ARMC2: variants seen among roughly 807,000 people sequenced by gnomAD.
ARMC2 encodes the protein armadillo repeat containing 2.
ARMC2 carries 67 observed loss-of-function variants against 90.3 expected under a neutral mutation model. That is an observed-to-expected ratio of 0.74 (90% CI 0.61 to 0.91). ARMC2 has a LOEUF of 0.91. Ranked by LOEUF, ARMC2 falls within the 40% of genes least tolerant of loss-of-function variation. ARMC2 has a pLI of 0.00. For missense variants in ARMC2, 920 were observed against 1,030.9 expected (o/e 0.89, Z 1.47); for synonymous variants, 393 against 393.0 (o/e 1.00, Z 0.00).
intron 10 of ARMC2, among the ~76,000 whole-genome samples, chr6:108,918,560 T>G (rs897504289): frequency 1.3e-5 from 2 of 152,146 alleles, no homozygotes; most frequent in African/African-American, 4.8e-5. Flanking sequence ...CTGTATTCAT[T>G]GTTTGCCGTT....
chr6:108,900,928 G>A (rs1340344679), intron 7 of ARMC2, among the ~76,000 whole-genome samples: 2 of 151,894 alleles, frequency 1.3e-5, no homozygotes, highest in African/African-American at 2.4e-5. Flanking sequence ...AGCGTGCCAC[G>A]TTAGCTTTGG....
At chr6:108,948,187 A>G (rs1214462521) in intron 12 of ARMC2, among the ~76,000 whole-genome samples, 2 of 152,204 alleles carry the variant, frequency 1.3e-5, no homozygotes, top group Non-Finnish European at 2.9e-5. Flanking sequence ...ATCCTGCCCA[A>G]CGCAGACCTT....
the ARMC2 span, among the ~76,000 whole-genome samples, chr6:109,037,713 A>G: frequency 2.6e-5 from 4 of 152,222 alleles, no homozygotes; most frequent in Admixed American, 6.5e-5. Flanking sequence ...ACAATCATCA[A>G]TAAAATCAAG....
the ARMC2 span, among the ~76,000 whole-genome samples, chr6:109,028,374 T>A: frequency 1.3e-5 from 2 of 152,146 alleles, 1 homozygote; most frequent in East Asian, 3.8e-4. Flanking sequence ...AGGGGAAGAA[T>A]GGGAATGAGA....
At chr6:108,937,073 C>CT in intron 12 of ARMC2, 74 bp downstream of exon 12, 1 of 1,310,672 alleles carries the variant, frequency 7.6e-7, no homozygotes, top group South Asian at 1.3e-5. Context: ...TGTTAAATGT[C>CT]TTTATGTTTT....
chr6:108,913,159 G>A (rs1773608922), intron 10 of ARMC2, among the ~76,000 whole-genome samples: 1 of 152,174 alleles, frequency 6.6e-6, no homozygotes, highest in Admixed American at 6.5e-5. Context: ...ATTTTCACTG[G>A]AGCTGCTCTG....
At chr6:108,920,868 A>C (rs1006543157) in intron 10 of ARMC2, among the ~76,000 whole-genome samples, 2 of 152,040 alleles carry the variant, frequency 1.3e-5, no homozygotes, top group African/African-American at 4.8e-5. Context: ...CTGGACTGGG[A>C]GGGTCTGATT....
chr6:108,962,765 G>A (rs1310408285), intron 15 of ARMC2, among the ~76,000 whole-genome samples: 1 of 152,332 alleles, frequency 6.6e-6, no homozygotes, highest in Non-Finnish European at 1.5e-5. Flanking sequence ...AGCACTTTGG[G>A]AGGCTAAGGT....
rs1484015511 is a variant in ARMC2 at position 108,973,854 on chromosome 6, T to C, written c.*340T>C. The C allele has an allele frequency of 1.0e-5, 2 of 196,654 alleles. No individual in the cohort carries two copies. Among genetic ancestry groups the C allele is most frequent in the African/African-American group, 4.7e-5 (2 of 42,792 alleles). 12.2% of individuals were successfully genotyped at this position (196,654 alleles called of 1,614,324 possible). ...TTTTGGAATTGAAGTGTTCATAAGT[T>C]AAATGAACTGTGCAATGAAGGCTGT... On this transcript the variant is annotated 3_prime_UTR_variant, in exon 18 of 18. Coordinates refer to ENST00000392644, the MANE Select transcript of ARMC2 (RefSeq NM_032131.6).
intron 7 of ARMC2, among the ~76,000 whole-genome samples, chr6:108,903,816 A>T (rs1772398423): frequency 6.6e-6 from 1 of 152,230 alleles, no homozygotes; most frequent in African/African-American, 2.4e-5. Context: ...AATGAGGGTT[A>T]TGGAGAACAT....
the ARMC2 span, among the ~76,000 whole-genome samples, chr6:108,982,036 C>T: frequency 6.6e-6 from 1 of 152,162 alleles, no homozygotes; most frequent in Non-Finnish European, 1.5e-5. Context: ...TTTATCCATT[C>T]ATCTGTCAAT....
At chr6:108,989,516 T>TAG in the ARMC2 span, among the ~76,000 whole-genome samples, 6 of 148,444 alleles carry the variant, frequency 4.0e-5, no homozygotes, top group Admixed American at 2.0e-4. Context: ...TATATATATA[T>TAG]AGAGAGATAT....
intron 13 of ARMC2, among the ~76,000 whole-genome samples, chr6:108,958,130 T>C (rs1176464721): frequency 6.6e-6 from 1 of 152,152 alleles, no homozygotes; most frequent in East Asian, 1.9e-4. Flanking sequence ...TAATTAGGTT[T>C]AGATAAGGCC....
At chr6:108,876,054 TA>T in intron 4 of ARMC2, 88 bp from the exon 5 acceptor site, 1 of 1,152,992 alleles carries the variant, frequency 8.7e-7, no homozygotes, top group South Asian at 1.5e-5. Context: ...TTAAATCATA[TA>T]AATTCTTAGA....
At chr6:108,936,410 C>T (rs1775965586) in intron 11 of ARMC2, among the ~76,000 whole-genome samples, 1 of 152,146 alleles carries the variant, frequency 6.6e-6, no homozygotes, top group Non-Finnish European at 1.5e-5. Context: ...GCACATGCCA[C>T]CATACCCAGC....
chr6:109,008,925 G>A, the ARMC2 span: 1 of 988,966 alleles, frequency 1.0e-6, no homozygotes, highest in Admixed American at 6.1e-5. Context: ...GGGGATGAAG[G>A]TGGCTAAATA....
At chr6:108,918,785 T>TGA (rs1395801168) in intron 10 of ARMC2, among the ~76,000 whole-genome samples, 40 of 152,342 alleles carry the variant, frequency 2.6e-4, no homozygotes. Flanking sequence ...GGAAATGAAA[T>TGA]GAGATCGTCT....
intron 4 of ARMC2, among the ~76,000 whole-genome samples, chr6:108,870,635 G>C (rs1776307188): frequency 6.6e-6 from 1 of 151,966 alleles, no homozygotes; most frequent in Non-Finnish European, 1.5e-5. Context: ...AGGGAGGAAG[G>C]AAGGAAGAAA....
chr6:108,900,890 C>T (rs1252354942), intron 7 of ARMC2, among the ~76,000 whole-genome samples: 3 of 152,078 alleles, frequency 2.0e-5, no homozygotes, highest in Non-Finnish European at 4.4e-5. Context: ...TTTTTCCCCT[C>T]TAGAGTTACT....
Sources: gnomAD v4.1 joint callset for allele counts (sites outside exome capture counted in the v4.1 genomes callset) on GRCh38, gnomAD v4.1.1 for gene constraint, MANE v1.5 for transcripts, NCBI Gene and HGNC (gene_info 2026-07-23, HGNC 2026-07-21) for gene names.